JMJD8: variants seen among roughly 807,000 people sequenced by gnomAD.
JMJD8 encodes the protein jmjC domain-containing protein 8.
A neutral mutation model predicts 37.6 loss-of-function variants in JMJD8; 56 were observed. That is an observed-to-expected ratio of 1.49 (90% confidence interval 1.20 to 1.86). The LOEUF is 1.86. Among genes scored for constraint, JMJD8 ranks in the 40% most tolerant of loss-of-function variants. The probability of loss-of-function intolerance (pLI) is 0.00; values close to 1 mark genes in which losing one functional copy is unlikely to be tolerated. For missense variants in JMJD8, 542 were observed against 362.7 expected (o/e 1.49, Z -4.01); for synonymous variants, 261 against 163.7 (o/e 1.59, Z -4.54).
chr16:684,153 C>G lies in JMJD8; in HGVS notation c.89G>C (p.Arg30Pro), dbSNP rs765792486. ...GSGAEGDGGW[R>P]PGGPGAVAEE... ...CGCCACGGCCCCCGGCCCGCCCGGG[C>G]GCCTGCGGGCACAGCTGGGTCAGCC... is the stretch of plus-strand genomic sequence containing the variant. Residue 30 changes from arginine to proline, a missense_variant and splice_region_variant, in exon 2 of 9, where the codon CGC (arginine) becomes CCC (proline). Physicochemically the swap from Arg to Pro is moderately radical, Grantham distance 103. Coordinates refer to ENST00000609261, the MANE Select transcript of JMJD8 (RefSeq NM_001005920.4). 1 of 1,470,426 alleles carries G rather than the reference C, an allele frequency of 6.8e-7. No individual in the cohort carries two copies. The highest frequency in any genetic ancestry group is 1.3e-5 in the South Asian group (1 of 76,792). The allele number at this position is 1,470,426 out of a possible 1,614,324, so 91.1% of individuals were successfully genotyped here. A position where few individuals can be genotyped will look rare whatever the true frequency, so the allele number is the denominator to read the frequency against.
chr16:684,236 C>T lies in JMJD8; in HGVS notation c.84G>A (p.Gly28=). The change falls in exon 1 of 9, where the codon GGG becomes GGA. Residue 28 remains glycine, a splice_region_variant and synonymous_variant. Transcript: ENST00000609261. ...LPGSGAEGDG[G]WRPGGPGAVA... ...CCGGCCCCTCCCGGGCCGCTCACCA[C>T]CCGCCGTCGCCCTCCGCCCCGGAGC... is the stretch of plus-strand genomic sequence containing the variant. The T allele has an allele frequency of 1.2e-5, 16 of 1,344,938 alleles. No individual in the cohort carries two copies. The highest frequency in any genetic ancestry group is 1.5e-5 in the Non-Finnish European group (16 of 1,056,786). 83.3% of individuals were successfully genotyped at this position (1,344,938 alleles called of 1,614,324 possible).
At position 684,222 on chromosome 16, in the gene JMJD8, C is replaced by T. The variant is rs1297421632; in HGVS notation, c.86+12G>A. On this transcript the variant is annotated intron_variant, in intron 1 of 8. Coordinates refer to ENST00000609261, the MANE Select transcript of JMJD8 (RefSeq NM_001005920.4). ...CGTGACCCCACCGCCCGGCCCCTCC[C>T]GGGCCGCTCACCACCCGCCGTCGCC... 6 of 1,334,848 alleles carry T rather than the reference C, an allele frequency of 4.5e-6. No individual in the cohort carries two copies. Among genetic ancestry groups the T allele is most frequent in the African/African-American group, 1.6e-5 (1 of 64,290 alleles). 82.7% of individuals were successfully genotyped at this position (1,334,848 alleles called of 1,614,324 possible).
rs373258906 is a variant in JMJD8 at position 683,248 on chromosome 16, A to G, written c.512-14T>C. On this transcript the variant is annotated splice_polypyrimidine_tract_variant and intron_variant, in intron 6 of 8. Coordinates refer to ENST00000609261, the MANE Select transcript of JMJD8 (RefSeq NM_001005920.4). ...CCGAGCCAGCTCCTGTGGGGTTATG[A>G]GCACCTGGTGACCAACCCATTTTGT... 6 of 1,613,050 alleles carry G rather than the reference A, an allele frequency of 3.7e-6. No homozygotes were observed. In the African/African-American group the frequency reaches 8.0e-5, roughly 22 times the overall value.
Position 683,424 on chromosome 16 carries a change from C to G in JMJD8, c.409G>C (p.Gly137Arg), listed in dbSNP as rs72773413. The G allele has an allele frequency of 5.9e-3, 9,080 of 1,552,126 alleles. 33 individuals are homozygous for G. The highest frequency in any genetic ancestry group is 7.0e-3 in the Non-Finnish European group (7,983 of 1,147,576). Residue 137 changes from glycine to arginine, a missense_variant, in exon 6 of 9, where the codon GGG becomes CGG. Physicochemically the swap from Gly to Arg is moderately radical, Grantham distance 125. Coordinates refer to ENST00000609261, the MANE Select transcript of JMJD8 (RefSeq NM_001005920.4). Reference sequence around the variant, plus strand: ...GCCCACTCGGTGAAGTTGTTGTCCCCGAAGAAGTACAGGGTGTCTGCCAAC... The same window carrying G: ...GCCCACTCGGTGAAGTTGTTGTCCCGGAAGAAGTACAGGGTGTCTGCCAAC... The part of the protein sequence containing the change: ...SLGNDTLYFF[G>R]DNNFTEWASL...
At position 684,119 on chromosome 16, in the gene JMJD8, C is replaced by T. The variant is rs780132238; in HGVS notation, c.123G>A (p.Glu41=). The T allele has an allele frequency of 1.3e-5, 20 of 1,540,898 alleles. No individual in the cohort carries two copies. In the East Asian group the frequency reaches 2.0e-4, roughly 16 times the overall value. Residue 41 remains glutamate (E), a synonymous_variant, in exon 2 of 9, where the codon GAG becomes GAA. Transcript: ENST00000609261. The part of the protein sequence containing the change: ...PGGPGAVAEE[E]RCTVERRADL... ...CGGCCCGACGCTCCACCGTGCAGCG[C>T]TCCTCCTCCGCCACGGCCCCCGGCC...
Position 683,655 on chromosome 16 carries a change from T to C in JMJD8, c.322+30A>G, listed in dbSNP as rs2039794447. ...GTCCAGCCGCCCCGGTGTTGGCAAATGGGCGGGCCCCAGGGGTGAGGCCGC... is the reference window on the plus strand; with the variant it reads ...GTCCAGCCGCCCCGGTGTTGGCAAACGGGCGGGCCCCAGGGGTGAGGCCGC... On this transcript the variant is annotated intron_variant, in intron 4 of 8. Coordinates refer to ENST00000609261, the MANE Select transcript of JMJD8 (RefSeq NM_001005920.4). The C allele has an allele frequency of 5.7e-6, 9 of 1,584,542 alleles. No homozygotes were observed. The East Asian group carries it at 2.1e-4, about 37-fold the overall frequency.
Position 683,220 on chromosome 16 carries a change from C to G in JMJD8, c.526G>C (p.Val176Leu), listed in dbSNP as rs761366889. The G allele has an allele frequency of 1.2e-6, 2 of 1,612,978 alleles. No individual in the cohort carries two copies. The highest frequency in any genetic ancestry group is 2.7e-5 in the African/African-American group (2 of 74,902). Residue 176 changes from valine (V) to leucine (L), a missense_variant, in exon 7 of 9, where the codon GTG (valine) becomes CTG (leucine). Transcript: ENST00000609261. ...CCGGGTCCATGCCAGTGGAAGGGCA[C>G]CCCCGAGCCAGCTCCTGTGGGGTTA... ...SFGIAGAGSG[V>L]PFHWHGPGYS... is the part of the protein sequence containing the mutation.
At chr16:683,272 G>A (rs760169397) in intron 6 of JMJD8, 38 bp from the exon 7 acceptor site, 16 of 1,612,712 alleles carry the variant, frequency 9.9e-6, no homozygotes, top group Non-Finnish European at 1.4e-5. Flanking sequence ...AACCCATTTT[G>A]TACTCACCGA....
Position 684,139 on chromosome 16 carries a change from C to T in JMJD8, c.103G>A (p.Gly35Arg), listed in dbSNP as rs959812672. The T allele has an allele frequency of 8.0e-6, 12 of 1,492,568 alleles. No individual in the cohort carries two copies. The South Asian group carries it at 1.5e-4, about 19-fold the overall frequency. 92.5% of individuals were successfully genotyped at this position (1,492,568 alleles called of 1,614,324 possible). ...CAGCGCTCCTCCTCCGCCACGGCCCCCGGCCCGCCCGGGCGCCTGCGGGCA... is the reference window on the plus strand; with the variant it reads ...CAGCGCTCCTCCTCCGCCACGGCCCTCGGCCCGCCCGGGCGCCTGCGGGCA... Reference protein sequence around the residue: ...GDGGWRPGGPGAVAEEERCTV... With the variant: ...GDGGWRPGGPRAVAEEERCTV... The change falls in exon 2 of 9, where the codon GGG becomes AGG. Residue 35 changes from glycine to arginine, a missense_variant. By Grantham distance (125) the Gly-to-Arg change is moderately radical. Coordinates refer to ENST00000609261, the MANE Select transcript of JMJD8 (RefSeq NM_001005920.4).
rs995791476 is a variant in JMJD8 at position 682,103 on chromosome 16, G to A, written c.*691C>T. The stretch of plus-strand genomic sequence containing the variant: ...TGAGTGTGTGTCGCTTGCTGCCGAT[G>A]GCTGGCAGGTGCTCGTGCAGTGCCC... On this transcript the variant is annotated 3_prime_UTR_variant, in exon 9 of 9. Transcript: ENST00000609261. The A allele has an allele frequency of 2.5e-6, 4 of 1,582,628 alleles. 1 individual carries two copies. In the Admixed American group the frequency reaches 6.8e-5, roughly 27 times the overall value.
In JMJD8 at chr16:683,153, CA is replaced by C. The variant is rs1567285703; in HGVS notation, c.579+13del. 1.2e-6 allele frequency: 2 copies of C among 1,613,490 alleles called. No individual in the cohort carries two copies. The highest frequency in any genetic ancestry group is 2.2e-5 in the South Asian group (2 of 91,088). On this transcript the variant is annotated intron_variant, in intron 7 of 8. Coordinates refer to ENST00000609261, the MANE Select transcript of JMJD8 (RefSeq NM_001005920.4). Reference sequence around the variant, plus strand: ...TCAGCGAGTCCCAAGCCTCAACCCCCACCCCGTGCTGACCTTACGACCGTAG... The same window carrying C: ...TCAGCGAGTCCCAAGCCTCAACCCCCCCCCGTGCTGACCTTACGACCGTAG...
Position 682,444 on chromosome 16 carries a change from T to TA in JMJD8, c.*349dup. 6.2e-7 allele frequency: 1 copy of TA among 1,613,408 alleles called. No individual in the cohort carries two copies. ...TCCCCAACTTGGCTATGAAGGAGGT[T>TA]ATTGACGCATTCATCTCTGAGAATG... is the stretch of plus-strand genomic sequence containing the variant. On this transcript the variant is annotated 3_prime_UTR_variant, in exon 9 of 9. Transcript: ENST00000609261.
In JMJD8 at chr16:682,310, C is replaced by A; in HGVS notation, c.*484G>T. 1 of 1,612,844 alleles carries A rather than the reference C, an allele frequency of 6.2e-7. No homozygotes were observed. Among genetic ancestry groups the A allele is most frequent in the South Asian group, 1.1e-5 (1 of 91,080 alleles). On this transcript the variant is annotated 3_prime_UTR_variant, in exon 9 of 9. Transcript: ENST00000609261. The stretch of plus-strand genomic sequence containing the variant: ...AGGCCTGCGGCTGGGGGAGCAGGGC[C>A]AGTGGCATGGTCCTGGGCCCCATGA...
rs1270705974 is a variant in JMJD8 at position 682,010 on chromosome 16, C to T, written c.*784G>A. 2 of 1,608,206 alleles carry T rather than the reference C, an allele frequency of 1.2e-6. No individual in the cohort carries two copies. On this transcript the variant is annotated 3_prime_UTR_variant, in exon 9 of 9. Coordinates refer to ENST00000609261, the MANE Select transcript of JMJD8 (RefSeq NM_001005920.4). ...TGTCTCCCCCAAGCACAGCACTCAA[C>T]TCTTCACAGGACAAGTACATGGCGG...
intron 2 of JMJD8, 64 bp from the exon 3 acceptor site, chr16:683,973 G>C (rs1233453371): frequency 1.3e-6 from 2 of 1,555,344 alleles, no homozygotes; most frequent in African/African-American, 2.7e-5. Flanking sequence ...AGCCCCACGC[G>C]TGCGCGCGAG....
rs1442808845 is a variant in JMJD8 at position 681,759 on chromosome 16, G to A, written c.*1035C>T. Reference sequence around the variant, plus strand: ...GGGGTGTGGTCAGACATCTGGCCAGGTCCATCTCTGACCGGCTCCTGGTCA... The same window carrying A: ...GGGGTGTGGTCAGACATCTGGCCAGATCCATCTCTGACCGGCTCCTGGTCA... On this transcript the variant is annotated 3_prime_UTR_variant, in exon 9 of 9. Coordinates refer to ENST00000609261, the MANE Select transcript of JMJD8 (RefSeq NM_001005920.4). 5 of 1,571,498 alleles carry A rather than the reference G, an allele frequency of 3.2e-6. No homozygotes were observed. In the South Asian group the frequency reaches 5.8e-5, roughly 18 times the overall value.
Position 683,568 on chromosome 16 carries a change from TG to T in JMJD8, c.352del (p.Gln118SerfsTer71), listed in dbSNP as rs2039788444. On this transcript the variant is annotated frameshift_variant, in exon 5 of 9. Transcript: ENST00000609261. LOFTEE classifies it high-confidence loss of function. ...GGTGGGGTCCTGGGGGTGCAGCAGCTGCTCCACATACTCCTGGAAGGGCAAG... is the reference window on the plus strand; with the variant it reads ...GGTGGGGTCCTGGGGGTGCAGCAGCTCTCCACATACTCCTGGAAGGGCAAG... ...VDLPFQEYVE[Q>X]LLHPQDPTSL... The T allele has an allele frequency of 6.3e-7, 1 of 1,575,430 alleles. No individual in the cohort carries two copies. Among genetic ancestry groups the T allele is most frequent in the Non-Finnish European group, 8.6e-7 (1 of 1,160,538 alleles).
Position 683,449 on chromosome 16 carries a change from C to A in JMJD8, c.392-8G>T, listed in dbSNP as rs756993744. The A allele has an allele frequency of 2.6e-6, 4 of 1,551,058 alleles. No individual in the cohort carries two copies. Among genetic ancestry groups the A allele is most frequent in the South Asian group, 1.2e-5 (1 of 84,188 alleles). On this transcript the variant is annotated splice_polypyrimidine_tract_variant and splice_region_variant and intron_variant, in intron 5 of 8. Transcript: ENST00000609261. ...CGAAGAAGTACAGGGTGTCTGCCAA[C>A]AGAGACGGCGGGGACAGGGATCCTG...
Position 682,723 on chromosome 16 carries a change from G to T in JMJD8, c.*71C>A. Reference sequence around the variant, plus strand: ...GCTGAGGCCATTGCCGCCACTATCTGTGTAATAAAATCCGTGAGCACGAGG... The same window carrying T: ...GCTGAGGCCATTGCCGCCACTATCTTTGTAATAAAATCCGTGAGCACGAGG... On this transcript the variant is annotated 3_prime_UTR_variant, in exon 9 of 9. Coordinates refer to ENST00000609261, the MANE Select transcript of JMJD8 (RefSeq NM_001005920.4). 1 of 1,551,972 alleles carries T rather than the reference G, an allele frequency of 6.4e-7. No individual in the cohort carries two copies. Among genetic ancestry groups the T allele is most frequent in the Non-Finnish European group, 8.8e-7 (1 of 1,134,240 alleles).
Sources: allele counts gnomAD v4.1 joint callset, GRCh38; gene constraint gnomAD v4.1.1; transcripts MANE v1.5; gene names NCBI Gene and HGNC (gene_info 2026-07-23, HGNC 2026-07-21).